The following PIK3C2A variants were observed in gnomAD, a reference collection of about 807,000 sequenced individuals.
PIK3C2A encodes the protein phosphatidylinositol 4-phosphate 3-kinase C2 domain-containing subunit alpha.
PIK3C2A carries 97 observed loss-of-function variants against 204.5 expected under a neutral mutation model. The observed-to-expected ratio is 0.47, with a 90% CI of 0.40 to 0.56. The LOEUF is 0.56. PIK3C2A is among the 20% of genes least tolerant of loss of function. The pLI, the probability that PIK3C2A is intolerant of heterozygous loss-of-function variation, is 0.00. For synonymous variants in PIK3C2A, 653 were observed against 664.4 expected (o/e 0.98, Z 0.26); for missense variants, 1,735 against 1,969.2 (o/e 0.88, Z 2.25).
intron 1 of PIK3C2A, among the ~76,000 whole-genome samples, chr11:17,197,949 G>C (rs1011416887): frequency 8.5e-5 from 13 of 152,132 alleles, no homozygotes; most frequent in African/African-American, 3.1e-4. Context: ...ACTACTTCTG[G>C]AATTTTCCCC....
chr11:17,184,295 G>A (rs1284840964), intron 1 of PIK3C2A, among the ~76,000 whole-genome samples: 1 of 151,610 alleles, frequency 6.6e-6, no homozygotes, highest in Non-Finnish European at 1.5e-5. Flanking sequence ...AGACGGCATT[G>A]TTATCCTAGG....
At position 17,137,423 on chromosome 11, in the gene PIK3C2A, C is replaced by CTTTTTTTT. The variant is rs33912263; in HGVS notation, c.1705-806_1705-799dup. Among the ~76,000 whole-genome samples, 469 of 125,040 alleles carry CTTTTTTTT rather than the reference C, an allele frequency of 3.8e-3. 43 individuals carry two copies. The highest frequency in any genetic ancestry group is 6.0e-3 in the African/African-American group (201 of 33,776). 82.0% of individuals were successfully genotyped at this position (125,040 alleles called of 152,430 possible). A position where few individuals can be genotyped will look rare whatever the true frequency, so the allele number is the denominator to read the frequency against. On this transcript the variant is annotated intron_variant, in intron 8 of 32. Transcript: ENST00000691414. ...CCTATATTACTTCATATTACTTTGC[C>CTTTTTTTT]TTTTTTTTTGAGACGGACTCTCATT...
intron 8 of PIK3C2A, chr11:17,138,401 T>G: frequency 2.7e-6 from 1 of 373,720 alleles, no homozygotes; most frequent in South Asian, 3.4e-5. Flanking sequence ...CCTCATGCTA[T>G]GTTCTCCTAC....
intron 21 of PIK3C2A, 37 bp from the exon 22 acceptor site, chr11:17,110,598 T>G: frequency 6.3e-7 from 1 of 1,579,964 alleles, no homozygotes; most frequent in Non-Finnish European, 8.6e-7. Flanking sequence ...CTTGTACATC[T>G]CCAAAAGACT....
intron 8 of PIK3C2A, chr11:17,138,254 G>C: frequency 8.1e-6 from 7 of 864,746 alleles, no homozygotes; most frequent in Non-Finnish European, 1.3e-5. Context: ...TATTACCAGG[G>C]GTTCAGGACA....
chr11:17,123,429 T>G (rs573463202), intron 13 of PIK3C2A, among the ~76,000 whole-genome samples: 19 of 151,016 alleles, frequency 1.3e-4, no homozygotes, highest in Middle Eastern at 3.4e-3. Context: ...TTGTTTTTTT[T>G]TTTTTTTTTT....
chr11:17,150,428 A>T (rs1850387954), intron 4 of PIK3C2A, 70 bp downstream of exon 4: 5 of 1,333,780 alleles, frequency 3.7e-6, no homozygotes, highest in Non-Finnish European at 5.0e-6. Flanking sequence ...TAAAAGAATG[A>T]TAATATTGAT....
At chr11:17,108,154 G>A (rs1011464044) in intron 22 of PIK3C2A, among the ~76,000 whole-genome samples, 8 of 152,234 alleles carry the variant, frequency 5.3e-5, no homozygotes, top group Non-Finnish European at 7.3e-5. Context: ...TTACAGGCAT[G>A]AGCCACTGCG....
chr11:17,112,755 T>C (rs1284620744), intron 20 of PIK3C2A, 89 bp from the exon 21 acceptor site: 2 of 549,726 alleles, frequency 3.6e-6, no homozygotes, highest in African/African-American at 3.9e-5. Context: ...CTTTCACTTC[T>C]TCCTTTGTGT....
intron 2 of PIK3C2A, among the ~76,000 whole-genome samples, chr11:17,157,595 G>C (rs1335333850): frequency 6.6e-6 from 1 of 152,080 alleles, no homozygotes; most frequent in Admixed American, 6.5e-5. Context: ...ATTAATAAGA[G>C]GACACTTCTG....
At chr11:17,162,717 A>G (rs1850817568) in intron 2 of PIK3C2A, among the ~76,000 whole-genome samples, 1 of 152,112 alleles carries the variant, frequency 6.6e-6, no homozygotes, top group African/African-American at 2.4e-5. Flanking sequence ...CTTCCACCAC[A>G]TGGCTGCACT....
rs143031175 is a variant in PIK3C2A, at chr11:17,099,939, T to C, written c.4039A>G (p.Ser1347Gly). 16 of 1,585,006 alleles carry C rather than the reference T, an allele frequency of 1.0e-5. No homozygotes were observed. The highest frequency in any genetic ancestry group is 1.7e-4 in the Middle Eastern group (1 of 6,022). ...CTAACGTATTTCAAATCTTGAATAC[T>C]TGTAAGTTCTGGTAACCCTGAAGGA... is the stretch of plus-strand genomic sequence containing the variant. ...MIPSGLPELT[S>G]IQDLKYVRDA... Residue 1347 changes from serine to glycine, a missense_variant, in exon 26 of 33, where the codon AGT (serine) becomes GGT (glycine). By Grantham distance (56) the Ser-to-Gly change is moderately conservative. Transcript: ENST00000691414.
rs774473141 is a variant in PIK3C2A at position 17,169,212 on chromosome 11, G to A, written c.530C>T (p.Pro177Leu). Reference protein sequence around the residue: ...AFQNGFNPRMPTFPSTEPIYL... With the variant: ...AFQNGFNPRMLTFPSTEPIYL... ...TATAGGTTCTGTAGATGGAAAAGTG[G>A]GCATTCTTGGATTGAAGCCATTTTG... is the stretch of plus-strand genomic sequence containing the variant. The change falls in exon 2 of 33, where the codon CCC (proline) becomes CTC (leucine). Residue 177 changes from proline (P) to leucine (L), a missense_variant. By Grantham distance (98) the Pro-to-Leu change is moderately conservative (BLOSUM62 -3). Transcript: ENST00000691414. 9.3e-6 allele frequency: 15 copies of A among 1,613,918 alleles called. No individual in the cohort carries two copies. Among genetic ancestry groups the A allele is most frequent in the Non-Finnish European group, 1.2e-5 (14 of 1,179,992 alleles).
At chr11:17,174,927 TA>T (rs1851292065) in intron 1 of PIK3C2A, among the ~76,000 whole-genome samples, 1 of 151,876 alleles carries the variant, frequency 6.6e-6, no homozygotes, top group Non-Finnish European at 1.5e-5. Flanking sequence ...AAATAAAAAA[TA>T]AAAAAATAGC....
intron 1 of PIK3C2A, among the ~76,000 whole-genome samples, chr11:17,197,482 G>A (rs747008035): frequency 6.6e-6 from 1 of 152,150 alleles, no homozygotes; most frequent in South Asian, 2.1e-4. Flanking sequence ...AAGACTAGTA[G>A]TCTTCAGCCC....
chr11:17,148,732 G>A lies in PIK3C2A; in HGVS notation c.1383C>T (p.Asp461=). The stretch of plus-strand genomic sequence containing the variant: ...AGCTGCCAACATCTACTTGATTCAA[G>A]TCATCATGTACCCAGCAAAGGGCTT... ...IMQALCWVHD[D]LNQVDVGSYV... The change falls in exon 5 of 33, where the codon GAC becomes GAT. Residue 461 remains aspartate, a synonymous_variant. Coordinates refer to ENST00000691414, the MANE Select transcript of PIK3C2A (RefSeq NM_002645.4). 6.2e-7 allele frequency: 1 copy of A among 1,610,926 alleles called. No individual in the cohort carries two copies.
chr11:17,101,560 C>G, intron 24 of PIK3C2A, 126 bp from the exon 25 acceptor site: 1 of 432,730 alleles, frequency 2.3e-6, no homozygotes, highest in Non-Finnish European at 4.1e-6. Flanking sequence ...TAATACCACA[C>G]ACTTTTGAAT....
At chr11:17,122,428 G>A (rs1449338325) in intron 14 of PIK3C2A, 95 bp from the exon 15 acceptor site, 17 of 758,480 alleles carry the variant, frequency 2.2e-5, no homozygotes, top group East Asian at 1.0e-4. Context: ...CTTAGCAATC[G>A]GGGCATATTT....
At position 17,142,289 on chromosome 11, in the gene PIK3C2A, A is replaced by T. The variant is rs1309736748; in HGVS notation, c.1704+3379T>A. On this transcript the variant is annotated intron_variant, in intron 8 of 32. Transcript: ENST00000691414. ...AATTTCAGAGTCAATCAGTATAGGG[A>T]TATACCAAGATCACCTAGGATGTGA... 5.3e-5 allele frequency among the ~76,000 whole-genome samples: 8 copies of T among 152,284 alleles called. No homozygotes were observed. The East Asian group carries it at 1.5e-3, about 29-fold the overall frequency.
Sources: gnomAD v4.1 joint callset for allele counts (sites outside exome capture counted in the v4.1 genomes callset) on GRCh38, gnomAD v4.1.1 for gene constraint, MANE v1.5 for transcripts, NCBI Gene and HGNC (gene_info 2026-07-23, HGNC 2026-07-21) for gene names.